Variants in GRIP1 observed in about 807,000 individuals in gnomAD.
GRIP1 encodes glutamate receptor interacting protein 1, also known as glutamate receptor-interacting protein 1.
A neutral mutation model predicts 129.9 loss-of-function variants in GRIP1; 45 were observed. The observed-to-expected ratio is 0.35, with a 90% CI of 0.27 to 0.44. GRIP1 has a LOEUF of 0.44. GRIP1 is among the 20% of genes least tolerant of loss of function. The pLI, the probability that GRIP1 is intolerant of heterozygous loss-of-function variation, is 1.00. For missense variants in GRIP1, 1,196 were observed against 1,396.8 expected (o/e 0.86, Z 2.29); for synonymous variants, 530 against 520.8 (o/e 1.02, Z -0.24).
At chr12:66,715,667 A>G (rs61926137) in intron 1 of GRIP1, among the ~76,000 whole-genome samples, 8,599 of 152,104 alleles carry the variant, frequency 0.057, 339 homozygotes, top group East Asian at 0.19. Context: ...CCTACACCTA[A>G]GACTGGTCTT....
chr12:67,044,651 A>T (rs571349524), intron 1 of GRIP1, among the ~76,000 whole-genome samples: 2 of 152,168 alleles, frequency 1.3e-5, no homozygotes, highest in Non-Finnish European at 2.9e-5. Context: ...GCTGCGCTCA[A>T]GCTGACACCA....
Position 66,348,403 on chromosome 12 carries a change from A to ATCTT in GRIP1, c.*612_*615dup, listed in dbSNP as rs2054074080. 6.5e-6 allele frequency: 1 copy of ATCTT among 154,332 alleles called. No individual in the cohort carries two copies. The allele number at this position is 154,332 out of a possible 1,614,324, so 9.6% of individuals were successfully genotyped here. ...ATTTGTTGCATAGGGAATAGCATAC[A>ATCTT]TCTTAGTTAAAATCATTCCTATACG... On this transcript the variant is annotated 3_prime_UTR_variant, in exon 25 of 25. Coordinates refer to ENST00000359742, the MANE Select transcript of GRIP1 (RefSeq NM_001366722.1).
intron 1 of GRIP1, among the ~76,000 whole-genome samples, chr12:66,857,326 C>T (rs959577107): frequency 1.3e-5 from 2 of 151,850 alleles, no homozygotes; most frequent in Admixed American, 6.6e-5. Flanking sequence ...TGCACATGTA[C>T]CCTAAAAGTA....
At chr12:66,645,436 C>A (rs1030297263) in intron 1 of GRIP1, among the ~76,000 whole-genome samples, 11 of 152,174 alleles carry the variant, frequency 7.2e-5, no homozygotes, top group African/African-American at 2.7e-4. Flanking sequence ...CCCATAATAA[C>A]CATGTGGAGT....
intron 1 of GRIP1, among the ~76,000 whole-genome samples, chr12:66,621,865 T>A (rs1473752494): frequency 1.3e-5 from 2 of 152,208 alleles, no homozygotes; most frequent in Admixed American, 6.5e-5. Context: ...TATCTTTTCT[T>A]GTGCTTATGG....
chr12:66,460,436 T>C (rs764320336), intron 9 of GRIP1, among the ~76,000 whole-genome samples: 3 of 152,162 alleles, frequency 2.0e-5, no homozygotes, highest in Non-Finnish European at 4.4e-5. Context: ...AAATGGAAGG[T>C]CCTCCTGGTA....
intron 22 of GRIP1, 107 bp downstream of exon 22, chr12:66,376,910 G>A: frequency 1.2e-6 from 1 of 820,762 alleles, no homozygotes; most frequent in South Asian, 1.3e-5. Context: ...GGTGGAGATG[G>A]GGATATACTT....
rs1235667500 is a variant in GRIP1, at chr12:66,646,268, T to C, written c.55+32582A>G. Among the ~76,000 whole-genome samples the C allele has an allele frequency of 5.3e-5, 8 of 152,222 alleles. No individual in the cohort carries two copies. The East Asian group carries it at 1.2e-3, about 22-fold the overall frequency. On this transcript the variant is annotated intron_variant, in intron 1 of 24. Transcript: ENST00000359742. ...ATACTTGACTTTCAAGCAATGTTCATTGATTGATAGATGATTAGTTTCATT... is the reference window on the plus strand; with the variant it reads ...ATACTTGACTTTCAAGCAATGTTCACTGATTGATAGATGATTAGTTTCATT...
At chr12:66,955,258 A>C (rs1339730303) in intron 1 of GRIP1, among the ~76,000 whole-genome samples, 2 of 152,134 alleles carry the variant, frequency 1.3e-5, no homozygotes, top group Non-Finnish European at 2.9e-5. Context: ...TTAATTTGCT[A>C]AAACTGGGTT....
intron 2 of GRIP1, among the ~76,000 whole-genome samples, chr12:66,590,796 G>A (rs1458118260): frequency 6.6e-6 from 1 of 152,194 alleles, no homozygotes; most frequent in African/African-American, 2.4e-5. Flanking sequence ...GTCTTGGGCA[G>A]CAGGCATTTT....
chr12:66,670,032 A>C (rs2034000138), intron 1 of GRIP1, among the ~76,000 whole-genome samples: 1 of 152,096 alleles, frequency 6.6e-6, no homozygotes, highest in Non-Finnish European at 1.5e-5. Context: ...AATGAAGTCT[A>C]CTCTTCATTG....
intron 19 of GRIP1, among the ~76,000 whole-genome samples, chr12:66,390,510 G>A (rs1250765340): frequency 6.6e-6 from 1 of 152,214 alleles, no homozygotes; most frequent in Non-Finnish European, 1.5e-5. Flanking sequence ...TTCACAAATA[G>A]TAAATGGTTT....
intron 14 of GRIP1, among the ~76,000 whole-genome samples, chr12:66,423,731 T>C (rs1039968308): frequency 2.0e-5 from 3 of 152,212 alleles, no homozygotes; most frequent in Non-Finnish European, 4.4e-5. Flanking sequence ...TAGTTTTCTC[T>C]CTTCTGTCAA....
Position 66,954,655 on chromosome 12 carries a change from C to T in GRIP1, c.58+114395G>A, listed in dbSNP as rs535460281. On this transcript the variant is annotated intron_variant, in intron 1 of 1. Transcript: ENST00000643019. ...TCATCGGACAGTAATATCAACCATT[C>T]GATGTGGAACAAACATTTGTTAAGT... Among the ~76,000 whole-genome samples, 5 of 152,262 alleles carry T rather than the reference C, an allele frequency of 3.3e-5. No homozygotes were observed. In the East Asian group the frequency reaches 7.7e-4, roughly 23 times the overall value.
At chr12:66,478,811 T>G (rs190789945) in intron 7 of GRIP1, among the ~76,000 whole-genome samples, 1 of 152,178 alleles carries the variant, frequency 6.6e-6, no homozygotes, top group East Asian at 1.9e-4. Context: ...TTCTCACTCA[T>G]AGGTGGGAAC....
intron 1 of GRIP1, among the ~76,000 whole-genome samples, chr12:66,692,438 G>C (rs2035013604): frequency 6.6e-6 from 1 of 152,162 alleles, no homozygotes; most frequent in African/African-American, 2.4e-5. Flanking sequence ...TGTGATGACA[G>C]GCAGGGCCAA....
chr12:66,375,564 A>G (rs967601304), intron 22 of GRIP1, among the ~76,000 whole-genome samples: 3 of 152,200 alleles, frequency 2.0e-5, no homozygotes, highest in African/African-American at 7.2e-5. Flanking sequence ...TAATTTATGA[A>G]TTTGCCAATC....
chr12:66,486,916 G>A (rs182909004), intron 7 of GRIP1, among the ~76,000 whole-genome samples: 62 of 151,810 alleles, frequency 4.1e-4, no homozygotes, highest in Non-Finnish European at 8.1e-4. Flanking sequence ...TCAGCCTACC[G>A]AGTAGCTGGT....
At chr12:66,891,538 C>A (rs1181388807) in intron 1 of GRIP1, among the ~76,000 whole-genome samples, 5 of 152,156 alleles carry the variant, frequency 3.3e-5, no homozygotes, top group African/African-American at 9.7e-5. Flanking sequence ...CCGAAGAATA[C>A]AAAGTAGAAG....
Sources: allele counts gnomAD v4.1 joint callset (sites outside exome capture counted in the v4.1 genomes callset), GRCh38; gene constraint gnomAD v4.1.1; transcripts MANE v1.5; gene names NCBI Gene and HGNC (gene_info 2026-07-23, HGNC 2026-07-21).